XIRP2: variants seen among roughly 807,000 people sequenced by gnomAD.
XIRP2 encodes xin actin binding repeat containing 2, also known as xin actin-binding repeat-containing protein 2.
In XIRP2, 236 loss-of-function variants were observed where a neutral mutation model predicts 277.0. The observed-to-expected ratio is 0.85, with a 90% CI of 0.77 to 0.95. XIRP2 has a LOEUF of 0.95. Ranked by LOEUF, XIRP2 falls within the 40% of genes least tolerant of loss-of-function variation. XIRP2 has a pLI of 0.00. For synonymous variants in XIRP2, 1,490 were observed against 1,416.5 expected, an observed-to-expected ratio of 1.05 and a Z score of -1.17; for missense variants, 4,640 against 4,157.5, an observed-to-expected ratio of 1.12 and a Z score of -3.19.
intron 1 of XIRP2, among the ~76,000 whole-genome samples, chr2:166,900,703 GC>G (rs1232507251): frequency 3.9e-5 from 6 of 152,080 alleles, no homozygotes; most frequent in Non-Finnish European, 8.8e-5. Flanking sequence ...ACCCCTGCTG[GC>G]TGGAAAGTTG....
intron 2 of XIRP2, among the ~76,000 whole-genome samples, chr2:166,909,145 T>G (rs2105343340): frequency 6.6e-6 from 1 of 152,316 alleles, no homozygotes; most frequent in East Asian, 1.9e-4. Context: ...TTTTTCCAAT[T>G]CTGTGAAGAA....
intron 3 of XIRP2, among the ~76,000 whole-genome samples, chr2:167,172,499 G>T (rs1692726818): frequency 1.3e-5 from 2 of 152,040 alleles, no homozygotes; most frequent in African/African-American, 4.8e-5. Context: ...GGGAGACTGG[G>T]GCTTATTTCA....
intron 2 of XIRP2, among the ~76,000 whole-genome samples, chr2:167,032,334 A>G (rs1195957981): frequency 6.6e-6 from 1 of 152,166 alleles, no homozygotes. Flanking sequence ...AAGACCTAAA[A>G]CCATAAAAAC....
intron 2 of XIRP2, among the ~76,000 whole-genome samples, chr2:167,073,581 A>G (rs1350375998): frequency 6.6e-6 from 1 of 152,072 alleles, no homozygotes; most frequent in African/African-American, 2.4e-5. Flanking sequence ...TTAGTTTCTC[A>G]TTAAGATTCA....
rs975873936 is a variant in XIRP2 at position 167,246,946 on chromosome 2, G to T, written c.5554G>T (p.Val1852Leu). 18 of 1,613,350 alleles carry T rather than the reference G, an allele frequency of 1.1e-5. No homozygotes were observed. Among genetic ancestry groups the T allele is most frequent in the Non-Finnish European group, 1.3e-5 (15 of 1,179,790 alleles). ...AACCCTAAATTCCCTCAGCCAGGCT[G>T]TAAATCAGAAAACAGTGACGAAAAC... is the stretch of plus-strand genomic sequence containing the variant. The part of the protein sequence containing the change: ...TSTLNSLSQA[V>L]NQKTVTKTEE... Residue 1852 changes from valine to leucine, a missense_variant, in exon 9 of 11, where the codon GTA (valine) becomes TTA (leucine). Val to Leu is a conservative substitution (Grantham distance 32, BLOSUM62 1). Transcript: ENST00000409195.
Position 167,246,271 on chromosome 2 carries a change from G to T in XIRP2, c.4879G>T (p.Glu1627Ter). ...DCTEREILIS[E>*]EEKGNVNLTK... is the part of the protein sequence containing the mutation. Reference sequence around the variant, plus strand: ...TACTGAAAGAGAGATTTTGATTAGTGAAGAAGAGAAGGGAAATGTTAATTT... The same window carrying T: ...TACTGAAAGAGAGATTTTGATTAGTTAAGAAGAGAAGGGAAATGTTAATTT... The change falls in exon 9 of 11, where the codon GAA (glutamate) becomes TAA (stop). Residue 1627 changes from glutamate (E) to a stop codon, truncating the protein, a stop_gained. Transcript: ENST00000409195. LOFTEE classifies it high-confidence loss of function. 1 of 1,613,412 alleles carries T rather than the reference G, an allele frequency of 6.2e-7. No individual in the cohort carries two copies. Among genetic ancestry groups the T allele is most frequent in the South Asian group, 1.1e-5 (1 of 91,024 alleles).
In XIRP2 at chr2:167,251,245, C is replaced by A. The variant is rs369689195; in HGVS notation, c.9853C>A (p.Pro3285Thr). ...DGLNSTDHMVPDTESYDAVEI... is the reference protein window; with the variant it reads ...DGLNSTDHMVTDTESYDAVEI... ...ACTAAATTCCACTGATCACATGGTG[C>A]CCGACACTGAAAGTTATGATGCAGT... The change falls in exon 9 of 11, where the codon CCC becomes ACC. Residue 3285 changes from proline (P) to threonine (T), a missense_variant. Pro to Thr is a conservative substitution (Grantham distance 38). Coordinates refer to ENST00000409195, the MANE Select transcript of XIRP2 (RefSeq NM_152381.6). The A allele has an allele frequency of 6.2e-6, 10 of 1,613,472 alleles. No individual in the cohort carries two copies. In the African/African-American group the frequency reaches 8.0e-5, roughly 13 times the overall value.
intron 4 of XIRP2, among the ~76,000 whole-genome samples, chr2:167,217,386 G>T (rs528000234): frequency 1.3e-5 from 2 of 152,188 alleles, no homozygotes; most frequent in East Asian, 3.9e-4. Context: ...ACATGCCTGT[G>T]CTCAGAGCTG....
rs199641675 is a variant in XIRP2, at chr2:167,155,456, C to A, written c.562+19394C>A. Among the ~76,000 whole-genome samples, 1,062 of 151,822 alleles carry A rather than the reference C, an allele frequency of 7.0e-3. 17 individuals carry two copies. Among genetic ancestry groups the A allele is most frequent in the Admixed American group, 0.039 (592 of 15,192 alleles). On this transcript the variant is annotated intron_variant, in intron 3 of 10. Transcript: ENST00000409195. ...GCTGGTTCAATATATGCAAATCAATCAATGTAATCCAGCATATAAACAGAA... is the reference window on the plus strand; with the variant it reads ...GCTGGTTCAATATATGCAAATCAATAAATGTAATCCAGCATATAAACAGAA...
At chr2:166,915,444 A>C (rs570234490) in intron 2 of XIRP2, among the ~76,000 whole-genome samples, 1 of 152,314 alleles carries the variant, frequency 6.6e-6, no homozygotes, top group East Asian at 1.9e-4. Context: ...CAGTTTTTAA[A>C]TAAAATGAAC....
chr2:167,144,688 T>A (rs1691817076), intron 3 of XIRP2, among the ~76,000 whole-genome samples: 1 of 152,162 alleles, frequency 6.6e-6, no homozygotes, highest in South Asian at 2.1e-4. Context: ...CAAATCTTTT[T>A]ATGTCATCAC....
chr2:167,112,084 T>A (rs1690774041), intron 2 of XIRP2, among the ~76,000 whole-genome samples: 1 of 152,148 alleles, frequency 6.6e-6, no homozygotes, highest in South Asian at 2.1e-4. Context: ...TAGTGTTTTA[T>A]CTATCTTATT....
At chr2:167,151,549 T>A (rs1043820737) in intron 3 of XIRP2, among the ~76,000 whole-genome samples, 1 of 152,136 alleles carries the variant, frequency 6.6e-6, no homozygotes, top group African/African-American at 2.4e-5. Context: ...ATTATATGTA[T>A]GGCATTGGCA....
At chr2:167,062,454 C>G (rs1386448376) in intron 2 of XIRP2, among the ~76,000 whole-genome samples, 1 of 152,088 alleles carries the variant, frequency 6.6e-6, no homozygotes, top group Admixed American at 6.6e-5. Flanking sequence ...TTCCTCTGTT[C>G]CCTGGGGCTA....
intron 4 of XIRP2, among the ~76,000 whole-genome samples, chr2:167,212,411 A>C (rs1219741881): frequency 6.6e-6 from 1 of 152,260 alleles, no homozygotes; most frequent in African/African-American, 2.4e-5. Context: ...ACATTAAAAA[A>C]GTGGTATCAA....
At chr2:166,934,206 A>C (rs1361651472) in intron 2 of XIRP2, among the ~76,000 whole-genome samples, 7 of 150,744 alleles carry the variant, frequency 4.6e-5, no homozygotes, top group African/African-American at 9.8e-5. Context: ...AAAAAAAAAA[A>C]AAAAAAAACA....
intron 2 of XIRP2, among the ~76,000 whole-genome samples, chr2:167,057,162 T>C (rs868808221): frequency 6.6e-6 from 1 of 152,126 alleles, no homozygotes; most frequent in African/African-American, 2.4e-5. Context: ...TCGTCATCTA[T>C]GAAAATCTCT....
intron 2 of XIRP2, among the ~76,000 whole-genome samples, chr2:167,029,988 A>G (rs765013579): frequency 6.6e-6 from 1 of 152,032 alleles, no homozygotes; most frequent in African/African-American, 2.4e-5. Context: ...AGATTTTTCT[A>G]GTTTATTTGC....
intron 2 of XIRP2, among the ~76,000 whole-genome samples, chr2:167,007,703 T>TCTCTCACACA (rs1389098863): frequency 4.6e-5 from 6 of 130,068 alleles, no homozygotes; most frequent in African/African-American, 1.7e-4. Context: ...TCTCTCTCTC[T>TCTCTCACACA]CACACACACA....
Sources: allele counts gnomAD v4.1 joint callset (sites outside exome capture counted in the v4.1 genomes callset), GRCh38; gene constraint gnomAD v4.1.1; transcripts MANE v1.5; gene names NCBI Gene and HGNC (gene_info 2026-07-23, HGNC 2026-07-21).